Variants in LHFPL3 observed in about 807,000 individuals in gnomAD.
LHFPL3 encodes LHFPL tetraspan subfamily member 3.
Under a neutral mutation model 19.3 loss-of-function variants are expected in LHFPL3, and 5 were observed. The ratio of observed to expected loss-of-function variants is 0.26; its 90% CI spans 0.14 to 0.54. The LOEUF is 0.54. Among genes scored for constraint, LHFPL3 ranks in the 20% least tolerant of loss-of-function variants. The probability of loss-of-function intolerance (pLI) is 0.94; values close to 1 mark genes in which losing one functional copy is unlikely to be tolerated. For missense variants in LHFPL3, 249 were observed against 307.4 expected (o/e 0.81, Z 1.42); for synonymous variants, 133 against 126.2 (o/e 1.05, Z -0.36).
At chr7:104,490,083 C>T (rs947435926) in intron 1 of LHFPL3, among the ~76,000 whole-genome samples, 1 of 152,212 alleles carries the variant, frequency 6.6e-6, no homozygotes, top group East Asian at 1.9e-4. Context: ...ATCATTATGT[C>T]CTTGTTAGGC....
In LHFPL3 at chr7:104,619,312, C is replaced by G. The variant is rs1028609948; in HGVS notation, c.446-117363C>G. 5.3e-5 allele frequency among the ~76,000 whole-genome samples: 8 copies of G among 152,232 alleles called. No homozygotes were observed. In the East Asian group the frequency reaches 1.5e-3, roughly 29 times the overall value. On this transcript the variant is annotated intron_variant, in intron 1 of 2. Transcript: ENST00000424859. ...TCATTATTGCATTGCTTTTCTTTAT[C>G]CTTCTCTGTCTTTCTGTTATTTTTC... is the stretch of plus-strand genomic sequence containing the variant.
intron 1 of LHFPL3, among the ~76,000 whole-genome samples, chr7:104,474,819 C>T (rs1432288609): frequency 2.0e-5 from 3 of 151,904 alleles, no homozygotes; most frequent in Non-Finnish European, 4.4e-5. Flanking sequence ...GGCTTTATTT[C>T]CTGTTGCAGA....
chr7:104,902,663 G>A (rs921115898), intron 2 of LHFPL3, among the ~76,000 whole-genome samples: 5 of 152,142 alleles, frequency 3.3e-5, no homozygotes, highest in African/African-American at 4.8e-5. Context: ...GCGCATACCT[G>A]TAATCACAGC....
At chr7:104,432,726 C>T (rs1368909977) in intron 1 of LHFPL3, among the ~76,000 whole-genome samples, 2 of 152,180 alleles carry the variant, frequency 1.3e-5, no homozygotes, top group Non-Finnish European at 1.5e-5. Context: ...TGTCAGGATG[C>T]CACTTAATTT....
At chr7:104,607,290 A>G (rs940221984) in intron 1 of LHFPL3, among the ~76,000 whole-genome samples, 1 of 152,266 alleles carries the variant, frequency 6.6e-6, no homozygotes, top group Non-Finnish European at 1.5e-5. Context: ...GATGGAGTCA[A>G]CAATGTCAGA....
rs1448104190 is a variant in LHFPL3 at position 104,714,711 on chromosome 7, C to T, written c.446-21964C>T. Among the ~76,000 whole-genome samples, 9 of 152,186 alleles carry T rather than the reference C, an allele frequency of 5.9e-5. No individual in the cohort carries two copies. In the South Asian group the frequency reaches 1.7e-3, roughly 28 times the overall value. On this transcript the variant is annotated intron_variant, in intron 1 of 2. Coordinates refer to ENST00000424859, the MANE Select transcript of LHFPL3 (RefSeq NM_199000.3). ...TGGAACCCCACCATGCTGGTCTGCCCTTTTCAATATGGTGAAAAAGATAAT... is the reference window on the plus strand; with the variant it reads ...TGGAACCCCACCATGCTGGTCTGCCTTTTTCAATATGGTGAAAAAGATAAT...
chr7:104,900,822 G>C (rs1792468141), intron 2 of LHFPL3, among the ~76,000 whole-genome samples: 1 of 152,212 alleles, frequency 6.6e-6, no homozygotes, highest in South Asian at 2.1e-4. Context: ...CTTTGGAAAT[G>C]TAACATGGGC....
intron 1 of LHFPL3, among the ~76,000 whole-genome samples, chr7:104,662,173 C>T (rs1792235599): frequency 6.6e-6 from 1 of 152,052 alleles, no homozygotes; most frequent in African/African-American, 2.4e-5. Flanking sequence ...TAACTAAAAC[C>T]ATGGAAAGGG....
chr7:104,886,584 C>G (rs1450807940), intron 2 of LHFPL3, among the ~76,000 whole-genome samples: 1 of 152,134 alleles, frequency 6.6e-6, no homozygotes, highest in Non-Finnish European at 1.5e-5. Flanking sequence ...AGGCTGGTCT[C>G]GAACTCCTGA....
chr7:104,601,296 C>T (rs1790961422), intron 1 of LHFPL3, among the ~76,000 whole-genome samples: 1 of 152,128 alleles, frequency 6.6e-6, no homozygotes, highest in East Asian at 1.9e-4. Flanking sequence ...AGTGACTAAA[C>T]CATATCTCTT....
chr7:104,450,424 G>A (rs1172370481), intron 1 of LHFPL3, among the ~76,000 whole-genome samples: 1 of 152,096 alleles, frequency 6.6e-6, no homozygotes, highest in African/African-American at 2.4e-5. Flanking sequence ...TTCAGTGCAG[G>A]GACATGGATG....
chr7:104,562,635 C>T (rs1790031346), intron 1 of LHFPL3, among the ~76,000 whole-genome samples: 1 of 151,908 alleles, frequency 6.6e-6, no homozygotes, highest in Non-Finnish European at 1.5e-5. Context: ...GAATGTCCTC[C>T]CATAGCTCAG....
rs534842933 is a variant in LHFPL3, at chr7:104,370,730, A to C, written c.445+41506A>C. ...AACCCGTCTCTACTAAAAATACAAA[A>C]AATTAGCTGGGTGTGGTGGCGGGCG... On this transcript the variant is annotated intron_variant, in intron 1 of 2. Transcript: ENST00000424859. Among the ~76,000 whole-genome samples the C allele has an allele frequency of 2.6e-5, 4 of 152,090 alleles. 1 individual carries two copies. In the South Asian group the frequency reaches 8.3e-4, roughly 32 times the overall value.
intron 2 of LHFPL3, among the ~76,000 whole-genome samples, chr7:104,788,473 T>G (rs1038122082): frequency 1.3e-5 from 2 of 152,202 alleles, no homozygotes; most frequent in African/African-American, 4.8e-5. Context: ...TATAAGAAAC[T>G]TTTCTGTTAC....
chr7:104,582,168 T>C (rs899565493), intron 1 of LHFPL3, among the ~76,000 whole-genome samples: 1 of 151,942 alleles, frequency 6.6e-6, no homozygotes, highest in African/African-American at 2.4e-5. Flanking sequence ...GATTTGTACA[T>C]CTTTTTAAAA....
intron 1 of LHFPL3, among the ~76,000 whole-genome samples, chr7:104,610,853 A>G (rs1463875394): frequency 6.6e-6 from 1 of 152,218 alleles, no homozygotes; most frequent in Non-Finnish European, 1.5e-5. Context: ...TAGTGCATAC[A>G]GTTAACTGTT....
At chr7:104,623,607 G>C (rs562695495) in intron 1 of LHFPL3, among the ~76,000 whole-genome samples, 1 of 152,320 alleles carries the variant, frequency 6.6e-6, no homozygotes, top group South Asian at 2.1e-4. Context: ...GCCAGCCTGG[G>C]CAACAGAGTG....
chr7:104,817,097 C>G (rs1442522892), intron 2 of LHFPL3, among the ~76,000 whole-genome samples: 1 of 152,170 alleles, frequency 6.6e-6, no homozygotes, highest in Non-Finnish European at 1.5e-5. Context: ...AAGGATCTCT[C>G]CCTGCCTCTG....
intron 1 of LHFPL3, among the ~76,000 whole-genome samples, chr7:104,583,814 G>C (rs1486749365): frequency 1.3e-5 from 2 of 151,616 alleles, no homozygotes; most frequent in African/African-American, 4.8e-5. Context: ...AACAACAGGT[G>C]CTGGAGAGGA....
Sources: allele counts gnomAD v4.1 joint callset (sites outside exome capture counted in the v4.1 genomes callset), GRCh38; gene constraint gnomAD v4.1.1; transcripts MANE v1.5; gene names NCBI Gene and HGNC (gene_info 2026-07-23, HGNC 2026-07-21).